XKR9: variants seen among roughly 807,000 people sequenced by gnomAD.
XKR9 encodes the protein XK related 9, also known as XK-related protein 9.
Under a neutral mutation model 32.0 loss-of-function variants are expected in XKR9, and 32 were observed. The observed-to-expected ratio is 1.00, with a 90% CI of 0.76 to 1.34. The LOEUF (loss-of-function observed/expected upper bound fraction) is 1.34. Ranked by LOEUF, XKR9 falls within the 40% of genes most tolerant of loss-of-function variation. The pLI, the probability that XKR9 is intolerant of heterozygous loss-of-function variation, is 0.00. For missense variants in XKR9, 546 were observed against 429.7 expected (o/e 1.27, Z -2.39); for synonymous variants, 168 against 143.4 (o/e 1.17, Z -1.22).
the XKR9 span, among the ~76,000 whole-genome samples, chr8:70,859,137 G>A: frequency 1.3e-5 from 2 of 151,922 alleles, no homozygotes; most frequent in African/African-American, 4.8e-5. Context: ...TACATAAAGT[G>A]CTAAAACAAC....
chr8:70,961,356 T>C, the XKR9 span, among the ~76,000 whole-genome samples: 2 of 151,900 alleles, frequency 1.3e-5, no homozygotes, highest in African/African-American at 4.8e-5. Flanking sequence ...GAGATGAAGG[T>C]GAGCAAAGGC....
chr8:70,819,109 CA>C, the XKR9 span, among the ~76,000 whole-genome samples: 1 of 152,196 alleles, frequency 6.6e-6, no homozygotes, highest in East Asian at 1.9e-4. Context: ...GCTGGTTGCA[CA>C]AGGAACAGCA....
At chr8:70,979,096 A>G in the XKR9 span, among the ~76,000 whole-genome samples, 1 of 152,166 alleles carries the variant, frequency 6.6e-6, no homozygotes, top group Non-Finnish European at 1.5e-5. Flanking sequence ...CAGGTCATTT[A>G]AGGTCTTCTC....
intron 4 of XKR9, among the ~76,000 whole-genome samples, chr8:70,728,454 G>A (rs910394533): frequency 2.6e-5 from 4 of 152,136 alleles, no homozygotes; most frequent in African/African-American, 7.2e-5. Flanking sequence ...AAAGGCGTTA[G>A]TATTGTCATT....
the XKR9 span, among the ~76,000 whole-genome samples, chr8:70,878,902 G>T: frequency 1.2e-3 from 190 of 152,222 alleles, 1 homozygote; most frequent in Admixed American, 4.0e-3. Context: ...CACATAGTTG[G>T]AAGTAAAGCA....
At chr8:70,817,821 C>T in the XKR9 span, among the ~76,000 whole-genome samples, 1 of 152,106 alleles carries the variant, frequency 6.6e-6, no homozygotes, top group Non-Finnish European at 1.5e-5. Flanking sequence ...CACCTACAAC[C>T]ACCTGATCTT....
At chr8:70,856,688 C>CCA in the XKR9 span, among the ~76,000 whole-genome samples, 1 of 152,120 alleles carries the variant, frequency 6.6e-6, no homozygotes, top group Non-Finnish European at 1.5e-5. Context: ...CAGCACCACA[C>CCA]CACAACTATT....
chr8:70,767,371 T>C (rs1452682019), intron 2 of XKR9, among the ~76,000 whole-genome samples: 1 of 152,202 alleles, frequency 6.6e-6, no homozygotes, highest in Non-Finnish European at 1.5e-5. Context: ...TTCTAGATTT[T>C]GTAATTTATT....
chr8:70,787,786 A>G (rs1279187834), intron 2 of XKR9, among the ~76,000 whole-genome samples: 2 of 152,092 alleles, frequency 1.3e-5, no homozygotes, highest in Non-Finnish European at 2.9e-5. Flanking sequence ...ATACATTTTG[A>G]CTAGCATTAT....
chr8:70,953,996 G>A, the XKR9 span, among the ~76,000 whole-genome samples: 1 of 152,034 alleles, frequency 6.6e-6, no homozygotes, highest in Non-Finnish European at 1.5e-5. Context: ...GGAAAGAGTC[G>A]TAGCAACTGT....
At chr8:71,050,199 AATG>A in the XKR9 span, among the ~76,000 whole-genome samples, 1 of 148,378 alleles carries the variant, frequency 6.7e-6, no homozygotes. Flanking sequence ...ATATGGATTA[AATG>A]ATTTTATATT....
chr8:71,024,151 G>A, the XKR9 span, among the ~76,000 whole-genome samples: 1 of 152,208 alleles, frequency 6.6e-6, no homozygotes, highest in Admixed American at 6.5e-5. Flanking sequence ...TTGGGTGACA[G>A]TGCAGTAATG....
At chr8:70,710,658 C>T (rs190453889) in intron 4 of XKR9, among the ~76,000 whole-genome samples, 63 of 152,084 alleles carry the variant, frequency 4.1e-4, no homozygotes, top group South Asian at 3.5e-3. Flanking sequence ...GAGCCAAGAT[C>T]GCACCACTGT....
the XKR9 span, among the ~76,000 whole-genome samples, chr8:70,839,141 A>T: frequency 6.6e-6 from 1 of 152,092 alleles, no homozygotes; most frequent in African/African-American, 2.4e-5. Context: ...AATAATATTG[A>T]CCAATTTCCT....
chr8:70,903,980 T>G, the XKR9 span, among the ~76,000 whole-genome samples: 7 of 152,178 alleles, frequency 4.6e-5, no homozygotes, highest in African/African-American at 1.7e-4. Flanking sequence ...GAGTTCTAAT[T>G]TGATTACACT....
chr8:70,833,447 A>C, the XKR9 span, among the ~76,000 whole-genome samples: 1 of 152,206 alleles, frequency 6.6e-6, no homozygotes, highest in East Asian at 1.9e-4. Flanking sequence ...AAAACATTTT[A>C]AGTATCAGAA....
chr8:70,806,099 C>T, the XKR9 span, among the ~76,000 whole-genome samples: 1 of 152,162 alleles, frequency 6.6e-6, no homozygotes, highest in African/African-American at 2.4e-5. Context: ...AGTGACATCT[C>T]CAGGTGCGGG....
intron 4 of XKR9, among the ~76,000 whole-genome samples, 188 bp from the exon 5 acceptor site, chr8:70,733,608 C>T (rs1476454092): frequency 2.0e-5 from 3 of 151,990 alleles, no homozygotes; most frequent in Non-Finnish European, 4.4e-5. Context: ...TTGGGTCAAG[C>T]AGTGTATCTC....
chr8:70,814,593 C>T, the XKR9 span, among the ~76,000 whole-genome samples: 10 of 151,806 alleles, frequency 6.6e-5, no homozygotes, highest in South Asian at 1.9e-3. Context: ...AAGAACATAT[C>T]TAAAAATAAT....
Sources: gnomAD v4.1 joint callset for allele counts (sites outside exome capture counted in the v4.1 genomes callset) on GRCh38, gnomAD v4.1.1 for gene constraint, MANE v1.5 for transcripts, NCBI Gene and HGNC (gene_info 2026-07-23, HGNC 2026-07-21) for gene names.